UBE3C: variants seen among roughly 807,000 people sequenced by gnomAD.
UBE3C encodes the protein ubiquitin-protein ligase E3C.
In UBE3C, 42 loss-of-function variants were observed where a neutral mutation model predicts 129.4. That is an observed-to-expected ratio of 0.32 (90% CI 0.25 to 0.42). UBE3C has a LOEUF of 0.42. Among genes scored for constraint, UBE3C ranks in the 10% least tolerant of loss-of-function variants. The pLI is 1.00. For synonymous variants in UBE3C, 510 were observed against 492.4 expected (o/e 1.04, Z -0.47); for missense variants, 1,049 against 1,319.1 (o/e 0.80, Z 3.17).
Position 157,208,403 on chromosome 7 carries a change from A to G in UBE3C, c.1809+468A>G, listed in dbSNP as rs569762572. Among the ~76,000 whole-genome samples, 6 of 152,212 alleles carry G rather than the reference A, an allele frequency of 3.9e-5. No homozygotes were observed. In the East Asian group the frequency reaches 1.2e-3, roughly 29 times the overall value. ...TATACCTTTTTAATTAAGAAAAGTA[A>G]TTTTAGTACTTTTGATTAATTAAGG... On this transcript the variant is annotated intron_variant, in intron 13 of 22. Transcript: ENST00000348165.
intron 17 of UBE3C, among the ~76,000 whole-genome samples, chr7:157,227,253 C>T (rs539268648): frequency 6.6e-6 from 1 of 152,208 alleles, no homozygotes; most frequent in East Asian, 1.9e-4. Flanking sequence ...TCTGGAGCAG[C>T]ACCTGTAGGG....
Position 157,231,249 on chromosome 7 carries a change from C to T in UBE3C, c.2403C>T (p.Tyr801=), listed in dbSNP as rs770488267. Residue 801 remains tyrosine, a synonymous_variant, in exon 18 of 23, where the codon TAC becomes TAT. Transcript: ENST00000348165. Reference sequence around the variant, plus strand: ...AGACTACTAATGAAGGGCTTCTGTACCCCAACCCGGCTGCTCAGATGCTTG... The same window carrying T: ...AGACTACTAATGAAGGGCTTCTGTATCCCAACCCGGCTGCTCAGATGCTTG... ...FFKTTNEGLL[Y]PNPAAQMLVG... is the part of the protein sequence containing the mutation. The T allele has an allele frequency of 6.2e-7, 1 of 1,613,996 alleles. No individual in the cohort carries two copies. The highest frequency in any genetic ancestry group is 2.2e-5 in the East Asian group (1 of 44,890).
intron 10 of UBE3C, among the ~76,000 whole-genome samples, chr7:157,194,135 AC>A (rs1488536297): frequency 6.6e-6 from 1 of 152,190 alleles, no homozygotes; most frequent in Non-Finnish European, 1.5e-5. Flanking sequence ...GATGATTTTG[AC>A]CCATGAAAAA....
At position 157,257,024 on chromosome 7, in the gene UBE3C, C is replaced by G. The variant is rs777750715; in HGVS notation, c.3061C>G (p.Pro1021Ala). Residue 1021 changes from proline to alanine, a missense_variant, in exon 22 of 23, where the codon CCC becomes GCC. Transcript: ENST00000348165. ...LLKFVTSCSRPPLLGFKELYP... is the reference protein window; with the variant it reads ...LLKFVTSCSRAPLLGFKELYP... ...GAAGTTTGTAACAAGCTGCTCTCGA[C>G]CCCCTCTCTTGGGGTTTAAGGTACA... 1.2e-6 allele frequency: 2 copies of G among 1,614,066 alleles called. No homozygotes were observed. The highest frequency in any genetic ancestry group is 2.7e-5 in the African/African-American group (2 of 74,910).
chr7:157,252,286 T>C (rs1447491639), intron 19 of UBE3C, among the ~76,000 whole-genome samples: 1 of 152,220 alleles, frequency 6.6e-6, no homozygotes, highest in East Asian at 1.9e-4. Flanking sequence ...CTCTAATCCA[T>C]TTAAAGGAAG....
chr7:157,266,968 C>T (rs1264764140), intron 22 of UBE3C, among the ~76,000 whole-genome samples: 5 of 152,138 alleles, frequency 3.3e-5, no homozygotes, highest in African/African-American at 1.2e-4. Context: ...TCTCGAACTC[C>T]TAAGCTCAAG....
chr7:157,192,067 A>G (rs1447040006), intron 10 of UBE3C, among the ~76,000 whole-genome samples: 1 of 152,236 alleles, frequency 6.6e-6, no homozygotes, highest in African/African-American at 2.4e-5. Flanking sequence ...TTGAAATCCT[A>G]TCTAGATTAT....
intron 11 of UBE3C, among the ~76,000 whole-genome samples, chr7:157,206,788 G>C (rs796396294): frequency 5.4e-5 from 6 of 110,726 alleles, no homozygotes; most frequent in African/African-American, 3.6e-4. Flanking sequence ...GCTCTTGATG[G>C]GTGAAAGGCT....
At chr7:157,266,376 TGATAGA>T (rs1797079284) in intron 22 of UBE3C, among the ~76,000 whole-genome samples, 1 of 152,242 alleles carries the variant, frequency 6.6e-6, no homozygotes, top group Non-Finnish European at 1.5e-5. Flanking sequence ...TCTTGAAAAC[TGATAGA>T]GGTCTCATCA....
At chr7:157,237,866 G>A (rs1796192671) in intron 18 of UBE3C, among the ~76,000 whole-genome samples, 1 of 149,584 alleles carries the variant, frequency 6.7e-6, no homozygotes, top group African/African-American at 2.5e-5. Flanking sequence ...GGCATACATA[G>A]GGAGACCTGG....
chr7:157,176,091 A>C (rs1298996988), intron 5 of UBE3C, among the ~76,000 whole-genome samples: 2 of 152,168 alleles, frequency 1.3e-5, no homozygotes, highest in Non-Finnish European at 2.9e-5. Context: ...TATTTGTATA[A>C]GCAAATAATT....
At chr7:157,203,146 T>C (rs1809337035) in intron 11 of UBE3C, among the ~76,000 whole-genome samples, 1 of 152,216 alleles carries the variant, frequency 6.6e-6, no homozygotes, top group African/African-American at 2.4e-5. Flanking sequence ...CAGTTCATAC[T>C]AATGAAAGGG....
chr7:157,170,658 A>G (rs1808341587), intron 4 of UBE3C, among the ~76,000 whole-genome samples: 1 of 152,206 alleles, frequency 6.6e-6, no homozygotes, highest in Non-Finnish European at 1.5e-5. Context: ...GTATCCAAAA[A>G]TAGGCTTTTT....
intron 22 of UBE3C, among the ~76,000 whole-genome samples, chr7:157,258,619 C>T (rs1209303654): frequency 6.6e-6 from 1 of 152,062 alleles, no homozygotes; most frequent in African/African-American, 2.4e-5. Context: ...GCCTCCATGC[C>T]CGGCTAATTT....
chr7:157,151,107 G>A (rs4716458), intron 1 of UBE3C, among the ~76,000 whole-genome samples: 25,628 of 152,238 alleles, frequency 0.17, 2,430 homozygotes, highest in East Asian at 0.35. Flanking sequence ...GCCCACTCTC[G>A]GGGTGAGGGG....
chr7:157,242,970 G>C (rs1047179877), intron 18 of UBE3C, among the ~76,000 whole-genome samples: 4 of 151,998 alleles, frequency 2.6e-5, no homozygotes, highest in Non-Finnish European at 5.9e-5. Context: ...TAGGAAAATC[G>C]CTTGAAACCG....
rs747752988 is a variant in UBE3C at position 157,217,005 on chromosome 7, TA to T, written c.1914+40del. ...GAAAGATCTTTTTAATATTTATCAT[TA>T]AAAAATACATTCAGCTTGTGTCTTT... On this transcript the variant is annotated intron_variant, in intron 14 of 22. Coordinates refer to ENST00000348165, the MANE Select transcript of UBE3C (RefSeq NM_014671.3). 3 of 1,504,500 alleles carry T rather than the reference TA, an allele frequency of 2.0e-6. No individual in the cohort carries two copies. The East Asian group carries it at 6.9e-5, about 35-fold the overall frequency. The allele number at this position is 1,504,500 out of a possible 1,614,324, so 93.2% of individuals were successfully genotyped here. A position where few individuals can be genotyped will look rare whatever the true frequency, so the allele number is the denominator to read the frequency against.
intron 2 of UBE3C, among the ~76,000 whole-genome samples, chr7:157,167,692 A>G (rs952922636): frequency 2.6e-5 from 4 of 152,036 alleles, no homozygotes; most frequent in Non-Finnish European, 4.4e-5. Flanking sequence ...ACCCGCCACC[A>G]TGCCCGGCTA....
rs533555770 is a variant in UBE3C at position 157,267,735 on chromosome 7, G to T, written c.3232G>T (p.Ala1078Ser). The part of the protein sequence containing the change: ...SKLLYAIECA[A>S]GFELS ...ACTTCTCTATGCGATTGAATGTGCC[G>T]CTGGCTTTGAGCTGAGCTGAAGCTG... The change falls in exon 23 of 23, where the codon GCT becomes TCT. Residue 1078 changes from alanine to serine, a missense_variant. This residue lies in a region of UBE3C where 243 missense variants were observed against 368.7 expected (regional missense o/e 0.66). Coordinates refer to ENST00000348165, the MANE Select transcript of UBE3C (RefSeq NM_014671.3). 1 of 1,608,434 alleles carries T rather than the reference G, an allele frequency of 6.2e-7. No homozygotes were observed. The highest frequency in any genetic ancestry group is 8.5e-7 in the Non-Finnish European group (1 of 1,177,446).
Sources: gnomAD v4.1 joint callset for allele counts (sites outside exome capture counted in the v4.1 genomes callset) on GRCh38, gnomAD v4.1.1 for gene constraint, gnomAD v4.1.1 regional missense constraint, MANE v1.5 for transcripts, NCBI Gene and HGNC (gene_info 2026-07-23, HGNC 2026-07-21) for gene names.